The following ERC1 variants were observed in gnomAD, a reference collection of about 807,000 sequenced individuals.
The protein encoded by ERC1 is ELKS/RAB6-interacting/CAST family member 1.
In ERC1, 56 loss-of-function variants were observed where a neutral mutation model predicts 132.0. That is an observed-to-expected ratio of 0.42 (90% CI 0.34 to 0.53). The LOEUF (loss-of-function observed/expected upper bound fraction) is 0.53, where lower values mean the gene tolerates loss of function less well. ERC1 is among the 20% of genes least tolerant of loss of function. ERC1 has a pLI of 0.03. For missense variants in ERC1, 1,202 were observed against 1,349.9 expected, an observed-to-expected ratio of 0.89 and a Z score of 1.72; for synonymous variants, 478 against 476.1, an observed-to-expected ratio of 1.00 and a Z score of -0.05.
chr12:1,061,160 A>G lies in ERC1; in HGVS notation c.670-22004A>G, dbSNP rs146839821. Among the ~76,000 whole-genome samples, 483 of 152,168 alleles carry G rather than the reference A, an allele frequency of 3.2e-3. 3 individuals are homozygous for G. The highest frequency in any genetic ancestry group is 0.011 in the African/African-American group (460 of 41,514). Reference sequence around the variant, plus strand: ...TTATCCATTCCTTCTAGGTTTTCCAATTTGTTGGTGTATAGTTGTTCATAA... The same window carrying G: ...TTATCCATTCCTTCTAGGTTTTCCAGTTTGTTGGTGTATAGTTGTTCATAA... On this transcript the variant is annotated intron_variant, in intron 2 of 18. Coordinates refer to ENST00000360905, the MANE Select transcript of ERC1 (RefSeq NM_178040.4).
chr12:1,351,554 T>C (rs1040791533), intron 15 of ERC1, among the ~76,000 whole-genome samples: 4 of 152,226 alleles, frequency 2.6e-5, no homozygotes, highest in Non-Finnish European at 5.9e-5. Flanking sequence ...TGATTACGTA[T>C]GATGTGGAGC....
At chr12:1,400,830 A>G (rs781369133) in intron 16 of ERC1, among the ~76,000 whole-genome samples, 6 of 149,862 alleles carry the variant, frequency 4.0e-5, no homozygotes, top group Admixed American at 3.3e-4. Flanking sequence ...AGGTAAACCT[A>G]CTATTTACTG....
chr12:1,327,506 T>A (rs1301132472), intron 15 of ERC1, among the ~76,000 whole-genome samples: 1 of 152,184 alleles, frequency 6.6e-6, no homozygotes, highest in Non-Finnish European at 1.5e-5. Context: ...GTTGTTTCAG[T>A]ACTTTCCTTG....
chr12:994,670 A>T (rs1014942865), intron 1 of ERC1, among the ~76,000 whole-genome samples: 1 of 152,234 alleles, frequency 6.6e-6, no homozygotes, highest in South Asian at 2.1e-4. Flanking sequence ...CTTAATAAGT[A>T]TATATTAAAT....
At chr12:1,380,505 G>C (rs1328007716) in intron 16 of ERC1, 1 of 152,254 alleles carries the variant, frequency 6.6e-6, no homozygotes, top group Non-Finnish European at 1.5e-5. Flanking sequence ...CAGTCTTTAG[G>C]AGTGGTTCTC....
chr12:1,387,043 C>T (rs1413226126), intron 16 of ERC1: 2 of 152,266 alleles, frequency 1.3e-5, no homozygotes, highest in Non-Finnish European at 2.9e-5. Context: ...GGCTGATGAG[C>T]CCTTTTTTTC....
Position 1,408,247 on chromosome 12 carries a change from G to A in ERC1, c.3024G>A (p.Gln1008=), listed in dbSNP as rs1396196746. 1.2e-6 allele frequency: 2 copies of A among 1,608,054 alleles called. No individual in the cohort carries two copies. Among genetic ancestry groups the A allele is most frequent in the Non-Finnish European group, 1.7e-6 (2 of 1,175,410 alleles). The change falls in exon 17 of 19, where the codon CAG becomes CAA. Residue 1008 remains glutamine (Q), a splice_region_variant and synonymous_variant. Transcript: ENST00000360905. The stretch of plus-strand genomic sequence containing the variant: ...CAAATCACAAGCCCTCCCCAGACCA[G>A]GTAAGATGGCTCTGGAATGTTTTAT... ...NQTNHKPSPD[Q]IIQPLLELDQ... is the part of the protein sequence containing the mutation.
chr12:997,877 C>T (rs1283814364), intron 1 of ERC1, among the ~76,000 whole-genome samples: 2 of 152,082 alleles, frequency 1.3e-5, no homozygotes, highest in Non-Finnish European at 2.9e-5. Context: ...TCAGTTAAGG[C>T]AGAGAGGTAG....
At chr12:1,256,466 T>C (rs1465940967) in intron 13 of ERC1, among the ~76,000 whole-genome samples, 1 of 140,122 alleles carries the variant, frequency 7.1e-6, no homozygotes, top group Non-Finnish European at 1.5e-5. Context: ...AATGTGAGGA[T>C]TCACTCAAAT....
chr12:1,480,984 G>A, intron 18 of ERC1: 1 of 690,220 alleles, frequency 1.4e-6, no homozygotes, highest in East Asian at 2.7e-5. Flanking sequence ...AACTGTGGAT[G>A]GTACTGAAGC....
intron 13 of ERC1, among the ~76,000 whole-genome samples, chr12:1,255,620 C>CATTTTTTTTTTTTTTT (rs1566399407): frequency 1.2e-5 from 1 of 86,436 alleles, no homozygotes; most frequent in Non-Finnish European, 2.7e-5. Flanking sequence ...TGCTTCCTGG[C>CATTTTTTTTTTTTTTT]CTTTTTTTTT....
intron 14 of ERC1, among the ~76,000 whole-genome samples, chr12:1,271,472 A>T (rs1484132134): frequency 6.6e-6 from 1 of 152,198 alleles, no homozygotes; most frequent in African/African-American, 2.4e-5. Context: ...TGAGGGAAAA[A>T]TTTGAGGATA....
intron 18 of ERC1, among the ~76,000 whole-genome samples, chr12:1,485,224 A>ATTTT (rs2094189681): frequency 2.6e-5 from 1 of 38,052 alleles, no homozygotes; most frequent in African/African-American, 9.7e-5. Context: ...TTTTTTTTTG[A>ATTTT]GACAGAGTCT....
chr12:1,047,050 AT>A (rs2154165680), intron 2 of ERC1, among the ~76,000 whole-genome samples: 2 of 152,284 alleles, frequency 1.3e-5, no homozygotes, highest in East Asian at 1.9e-4. Flanking sequence ...CATTTGGTGT[AT>A]TTTTATGTGA....
At chr12:1,294,180 C>G (rs1311811155) in intron 15 of ERC1, among the ~76,000 whole-genome samples, 1 of 152,146 alleles carries the variant, frequency 6.6e-6, no homozygotes. Context: ...ACGGCCCACC[C>G]TATAGACATT....
intron 12 of ERC1, among the ~76,000 whole-genome samples, chr12:1,214,667 C>CAT (rs1385012380): frequency 2.6e-5 from 1 of 39,200 alleles, no homozygotes; most frequent in Non-Finnish European, 4.6e-5. Context: ...TGTATACATA[C>CAT]ACACACACAC....
At chr12:1,104,195 A>G (rs1389313694) in intron 3 of ERC1, among the ~76,000 whole-genome samples, 2 of 152,090 alleles carry the variant, frequency 1.3e-5, no homozygotes, top group Admixed American at 1.3e-4. Context: ...AACTTGTTCA[A>G]CAGTGTCATG....
intron 15 of ERC1, among the ~76,000 whole-genome samples, chr12:1,312,043 G>A (rs1201671862): frequency 6.6e-6 from 1 of 152,130 alleles, no homozygotes; most frequent in Non-Finnish European, 1.5e-5. Flanking sequence ...GCATCTCAGT[G>A]CAGGGGTTGG....
intron 1 of ERC1, chr12:998,328 T>G (rs1263473843): frequency 6.6e-6 from 1 of 152,220 alleles, no homozygotes; most frequent in East Asian, 1.9e-4. Context: ...TCACAGATTT[T>G]GTAGATCAGG....
Sources: gnomAD v4.1 joint callset for allele counts (sites outside exome capture counted in the v4.1 genomes callset) on GRCh38, gnomAD v4.1.1 for gene constraint, MANE v1.5 for transcripts, NCBI Gene and HGNC (gene_info 2026-07-23, HGNC 2026-07-21) for gene names.